The following ITPR3 variants were observed in gnomAD, a reference collection of about 807,000 sequenced individuals.
ITPR3 encodes inositol 1,4,5-trisphosphate-gated calcium channel ITPR3.
Under a neutral mutation model 293.2 loss-of-function variants are expected in ITPR3, and 173 were observed. The ratio of observed to expected loss-of-function variants is 0.59; its 90% CI spans 0.52 to 0.67. ITPR3 has a LOEUF of 0.67. Among genes scored for constraint, ITPR3 ranks in the 30% least tolerant of loss-of-function variants. The pLI, the probability that ITPR3 is intolerant of heterozygous loss-of-function variation, is 0.00. For missense variants in ITPR3, 2,796 were observed against 3,592.1 expected, an observed-to-expected ratio of 0.78 and a Z score of 5.66; for synonymous variants, 1,295 against 1,444.4, an observed-to-expected ratio of 0.90 and a Z score of 2.35.
intron 1 of ITPR3, among the ~76,000 whole-genome samples, chr6:33,630,685 C>T (rs1486802683): frequency 2.0e-5 from 3 of 152,196 alleles, no homozygotes; most frequent in African/African-American, 7.2e-5. Flanking sequence ...CACACTGGCC[C>T]CGACCTTTAT....
intron 7 of ITPR3, 87 bp from the exon 8 acceptor site, chr6:33,662,441 G>A: frequency 6.8e-7 from 1 of 1,468,456 alleles, no homozygotes; most frequent in Admixed American, 2.1e-5. Flanking sequence ...AGCCAACCCT[G>A]TCTGAGGCAG....
rs1198743832 is a variant in ITPR3, at chr6:33,683,903, C to T, written c.4789-117C>T. The T allele has an allele frequency of 6.1e-6, 7 of 1,146,330 alleles. No homozygotes were observed. The Admixed American group carries it at 9.1e-5, about 15-fold the overall frequency. 71.0% of individuals were successfully genotyped at this position (1,146,330 alleles called of 1,614,324 possible). On this transcript the variant is annotated intron_variant, in intron 35 of 57. Transcript: ENST00000605930. This position sits in a 1 kb window ranked among gnomAD's most constrained non-coding sequence, Gnocchi z 4.5. ...TTCAGGGTGTCTCTGTGGGTGTGGG[C>T]CCCTCAGACAGAGGCAGGGCAATCT...
In ITPR3 at chr6:33,695,702, T is replaced by C. The variant is rs931061897; in HGVS notation, c.7948-10T>C. 6.2e-7 allele frequency: 1 copy of C among 1,614,064 alleles called. No homozygotes were observed. The highest frequency in any genetic ancestry group is 8.5e-7 in the Non-Finnish European group (1 of 1,179,982). ...CCTGACCAGGCCTGTTGGCATCTGCTTAACCCTAGATGACGGAGCAGCGGA... is the reference window on the plus strand; with the variant it reads ...CCTGACCAGGCCTGTTGGCATCTGCCTAACCCTAGATGACGGAGCAGCGGA... On this transcript the variant is annotated splice_polypyrimidine_tract_variant and intron_variant, in intron 57 of 57. Transcript: ENST00000605930.
chr6:33,683,338 C>A lies in ITPR3; in HGVS notation c.4729C>A (p.Pro1577Thr). 2 of 1,595,202 alleles carry A rather than the reference C, an allele frequency of 1.3e-6. No individual in the cohort carries two copies. The highest frequency in any genetic ancestry group is 2.3e-5 in the East Asian group (1 of 44,094). The change falls in exon 35 of 58, where the codon CCC becomes ACC. Residue 1577 changes from proline (P) to threonine (T), a missense_variant. Physicochemically the swap from Pro to Thr is conservative, Grantham distance 38. Coordinates refer to ENST00000605930, the MANE Select transcript of ITPR3 (RefSeq NM_002224.4). The surrounding 1 kb of genome is among the most constrained non-coding windows in gnomAD (Gnocchi z 4.5). ...SSYKATTRAF[P>T]RVTPTANQWD... ...CTACAAGGCAACCACGCGGGCCTTC[C>A]CCCGCGTCACCCCCACCGCCAACCA... is the stretch of plus-strand genomic sequence containing the variant.
intron 1 of ITPR3, among the ~76,000 whole-genome samples, chr6:33,639,739 T>C (rs1198268747): frequency 6.6e-6 from 1 of 151,518 alleles, no homozygotes; most frequent in Non-Finnish European, 1.5e-5. Context: ...GGTGGATGAA[T>C]AGATGGATGA....
chr6:33,677,172 C>G (rs1764930806), intron 27 of ITPR3, 83 bp downstream of exon 27: 1 of 1,262,442 alleles, frequency 7.9e-7, no homozygotes, highest in Admixed American at 1.8e-5. Flanking sequence ...CCCTGTGCCT[C>G]TCCCTGTGCT....
intron 2 of ITPR3, among the ~76,000 whole-genome samples, chr6:33,647,898 A>G (rs528206761): frequency 6.6e-6 from 1 of 152,122 alleles, no homozygotes; most frequent in Admixed American, 6.5e-5. Flanking sequence ...TTGCTGAGGC[A>G]GAGGGCGGGA....
intron 7 of ITPR3, among the ~76,000 whole-genome samples, chr6:33,659,806 G>C (rs969446410): frequency 6.6e-6 from 1 of 152,182 alleles, no homozygotes; most frequent in East Asian, 1.9e-4. Flanking sequence ...CCTTGTTTAA[G>C]GGGGTGTCAG....
At chr6:33,631,244 T>C (rs1018922591) in intron 1 of ITPR3, among the ~76,000 whole-genome samples, 1 of 152,088 alleles carries the variant, frequency 6.6e-6, no homozygotes, top group African/African-American at 2.4e-5. Flanking sequence ...GACAAAGAGA[T>C]AAAGAAAAAA....
At position 33,671,313 on chromosome 6, in the gene ITPR3, C is replaced by A. The variant is rs561324036; in HGVS notation, c.2728+7C>A. The A allele has an allele frequency of 2.5e-5, 40 of 1,607,474 alleles. No individual in the cohort carries two copies. The highest frequency in any genetic ancestry group is 2.8e-5 in the Non-Finnish European group (33 of 1,176,626). The stretch of plus-strand genomic sequence containing the variant: ...GCCTATGAGGACCCCGGTGGTGAGG[C>A]CTTTGCCCGGCTCGGGCCACCCTGG... On this transcript the variant is annotated splice_region_variant and intron_variant, in intron 21 of 57. Coordinates refer to ENST00000605930, the MANE Select transcript of ITPR3 (RefSeq NM_002224.4).
Position 33,632,705 on chromosome 6 carries a change from T to C in ITPR3, c.90-7779T>C, listed in dbSNP as rs1212355702. On this transcript the variant is annotated intron_variant, in intron 1 of 57. Coordinates refer to ENST00000605930, the MANE Select transcript of ITPR3 (RefSeq NM_002224.4). The surrounding 1 kb of genome is among the most constrained non-coding windows in gnomAD (Gnocchi z 4.1). ...AGCCCCATCCTCCTGCTCCCTCTGC[T>C]GTTCAGACTGGTCTTGTGCCTCCCA... Among the ~76,000 whole-genome samples, 1 of 152,370 alleles carries C rather than the reference T, an allele frequency of 6.6e-6. No individual in the cohort carries two copies. Among genetic ancestry groups the C allele is most frequent in the African/African-American group, 2.4e-5 (1 of 41,596 alleles).
rs684119 is a variant in ITPR3 at position 33,694,890 on chromosome 6, C to T, written c.7786-34C>T. 0.14 allele frequency: 219,355 copies of T among 1,613,412 alleles called. 15,992 individuals carry two copies. The highest frequency in any genetic ancestry group is 0.16 in the African/African-American group (12,342 of 74,974). On this transcript the variant is annotated intron_variant, in intron 56 of 57. Transcript: ENST00000605930. ...AAATGAGGCCTTTCTAGGCCGGGCC[C>T]ACGCCTGCTTAACCCACTGGTGATG...
intron 33 of ITPR3, among the ~76,000 whole-genome samples, chr6:33,681,151 A>G (rs1036305810): frequency 2.0e-5 from 3 of 152,198 alleles, no homozygotes; most frequent in Non-Finnish European, 2.9e-5. Context: ...CGTGTTAACA[A>G]ATTATCCCCA....
chr6:33,684,211 G>A lies in ITPR3; in HGVS notation c.4937+43G>A. 1.2e-6 allele frequency: 2 copies of A among 1,603,812 alleles called. No homozygotes were observed. The highest frequency in any genetic ancestry group is 2.7e-5 in the African/African-American group (2 of 74,870). On this transcript the variant is annotated intron_variant, in intron 36 of 57. Coordinates refer to ENST00000605930, the MANE Select transcript of ITPR3 (RefSeq NM_002224.4). This position sits in a 1 kb window ranked among gnomAD's most constrained non-coding sequence, Gnocchi z 4.2. ...GCATGGGGGCAGCAGGGGTGCAGCG[G>A]CAGGGGACAGAGAAGGGCCCGGTGG...
rs754557210 is a variant in ITPR3, at chr6:33,684,814, C to T, written c.5178C>T (p.Cys1726=). 10 of 1,613,590 alleles carry T rather than the reference C, an allele frequency of 6.2e-6. No individual in the cohort carries two copies. In the South Asian group the frequency reaches 9.9e-5, roughly 16 times the overall value. Residue 1726 remains cysteine, a synonymous_variant, in exon 39 of 58, where the codon TGC becomes TGT. Transcript: ENST00000605930. The surrounding 1 kb of genome is among the most constrained non-coding windows in gnomAD (Gnocchi z 4.2). ...PDWSAIAATQ[C]RLDKEGATKL... ...GGTCGGCAATCGCAGCCACCCAGTGCCGGCTGGACAAGGAGGGGGCCACCA... is the reference window on the plus strand; with the variant it reads ...GGTCGGCAATCGCAGCCACCCAGTGTCGGCTGGACAAGGAGGGGGCCACCA...
chr6:33,659,949 C>T (rs1055409090), intron 7 of ITPR3, among the ~76,000 whole-genome samples: 1 of 152,172 alleles, frequency 6.6e-6, no homozygotes, highest in Non-Finnish European at 1.5e-5. Flanking sequence ...AGTGAGGCTG[C>T]CCTGTCTGCT....
chr6:33,687,209 A>G lies in ITPR3; in HGVS notation c.6076-17A>G. Reference sequence around the variant, plus strand: ...CGCCCTAGGAAGAGAGCATTGGAACAGGCACTGCCCCTCCAGGTGGACGTC... The same window carrying G: ...CGCCCTAGGAAGAGAGCATTGGAACGGGCACTGCCCCTCCAGGTGGACGTC... On this transcript the variant is annotated splice_polypyrimidine_tract_variant and intron_variant, in intron 44 of 57. Coordinates refer to ENST00000605930, the MANE Select transcript of ITPR3 (RefSeq NM_002224.4). The surrounding 1 kb of genome is among the most constrained non-coding windows in gnomAD (Gnocchi z 5.3). The G allele has an allele frequency of 6.2e-7, 1 of 1,603,134 alleles. No individual in the cohort carries two copies. The highest frequency in any genetic ancestry group is 8.5e-7 in the Non-Finnish European group (1 of 1,170,356).
In ITPR3 at chr6:33,691,682, CTG is replaced by C. The variant is rs1554140291; in HGVS notation, c.7297_7298del (p.Val2433LeufsTer7). The C allele has an allele frequency of 1.2e-6, 2 of 1,614,068 alleles. No individual in the cohort carries two copies. The highest frequency in any genetic ancestry group is 3.3e-4 in the Middle Eastern group (2 of 6,062). ...ACACCTGCAGTGGGGACAAGATGGACTGTGTCTCAGGGCTCTCGGTGCCTGAG... is the reference window on the plus strand; with the variant it reads ...ACACCTGCAGTGGGGACAAGATGGACTGTCTCAGGGCTCTCGGTGCCTGAG... ...VDTCSGDKMD[C>X]VSGLSVPEVL... On this transcript the variant is annotated frameshift_variant, in exon 53 of 58. Coordinates refer to ENST00000605930, the MANE Select transcript of ITPR3 (RefSeq NM_002224.4). LOFTEE classifies it high-confidence loss of function. The surrounding 1 kb of genome is among the most constrained non-coding windows in gnomAD (Gnocchi z 4.9).
In ITPR3 at chr6:33,632,524, C is replaced by G. The variant is rs1763707223; in HGVS notation, c.90-7960C>G. Among the ~76,000 whole-genome samples the G allele has an allele frequency of 6.6e-6, 1 of 152,240 alleles. No individual in the cohort carries two copies. Among genetic ancestry groups the G allele is most frequent in the Non-Finnish European group, 1.5e-5 (1 of 68,044 alleles). On this transcript the variant is annotated intron_variant, in intron 1 of 57. Transcript: ENST00000605930. The surrounding 1 kb of genome is among the most constrained non-coding windows in gnomAD (Gnocchi z 4.1). ...AATGGGATGCAGCTGTCTTCCTCTCCTACCTCAGATCAAGGTCTTGGGGTG... is the reference window on the plus strand; with the variant it reads ...AATGGGATGCAGCTGTCTTCCTCTCGTACCTCAGATCAAGGTCTTGGGGTG...
Sources: gnomAD v4.1 joint callset for allele counts (sites outside exome capture counted in the v4.1 genomes callset) on GRCh38, gnomAD v4.1.1 for gene constraint, Gnocchi (gnomAD v3.1) non-coding constraint, MANE v1.5 for transcripts, NCBI Gene and HGNC (gene_info 2026-07-23, HGNC 2026-07-21) for gene names.